The following PABIR2 variants were observed in gnomAD, a reference collection of about 807,000 sequenced individuals.
PABIR2 encodes family with sequence similarity 122B.
PABIR2 carries 7 observed loss-of-function variants against 22.8 expected under a neutral mutation model. The observed-to-expected ratio is 0.31, with a 90% CI of 0.17 to 0.58. PABIR2 has a LOEUF of 0.58. PABIR2 is among the 20% of genes least tolerant of loss of function. PABIR2 has a pLI of 0.89. For missense variants in PABIR2, 155 were observed against 205.1 expected, an observed-to-expected ratio of 0.76 and a Z score of 1.49; for synonymous variants, 67 against 73.8, an observed-to-expected ratio of 0.91 and a Z score of 0.47.
chrX:134,790,842 G>A (rs1172143925), intron 2 of PABIR2, among the ~76,000 whole-genome samples: 1 of 112,652 alleles, frequency 8.9e-6, no homozygotes, highest in Admixed American at 9.4e-5. Flanking sequence ...AAAGTGCTGG[G>A]ATTACAGGCG....
At chrX:134,780,392 A>G (rs56657580) in intron 9 of PABIR2, among the ~76,000 whole-genome samples, 1,447 of 111,703 alleles carry the variant, frequency 0.013, 22 homozygotes, top group African/African-American at 0.046. Context: ...CCTGGCCAAC[A>G]TGGCAAAACC....
intron 2 of PABIR2, chrX:134,791,620 A>AAAAGCAT: frequency 3.0e-6 from 1 of 331,035 alleles, no homozygotes; most frequent in South Asian, 2.6e-5. Flanking sequence ...CAGGAGAGTC[A>AAAAGCAT]AAAGCATATG....
intron 8 of PABIR2, among the ~76,000 whole-genome samples, chrX:134,784,666 C>T (rs1305698724): frequency 9.1e-6 from 1 of 109,992 alleles, no homozygotes; most frequent in African/African-American, 3.3e-5. Context: ...TTTGTAGAGA[C>T]GTGGTTTTGC....
intron 8 of PABIR2, among the ~76,000 whole-genome samples, chrX:134,783,739 A>G (rs2079219801): frequency 9.3e-6 from 1 of 107,289 alleles, no homozygotes; most frequent in Non-Finnish European, 1.9e-5. Flanking sequence ...AAAAAAAAAA[A>G]GTTATTGTTA....
At chrX:134,779,116 A>T (rs2079086791) in intron 9 of PABIR2, among the ~76,000 whole-genome samples, 1 of 111,564 alleles carries the variant, frequency 9.0e-6, no homozygotes, top group South Asian at 3.8e-4. Context: ...GCCCAGCCAC[A>T]ACAGCTTTTT....
chrX:134,773,538 T>C (rs1264500726), intron 9 of PABIR2, among the ~76,000 whole-genome samples: 1 of 96,025 alleles, frequency 1.0e-5, no homozygotes, highest in Non-Finnish European at 1.9e-5. Flanking sequence ...CCAGAGATGA[T>C]ATTTGCTATA....
intron 9 of PABIR2, among the ~76,000 whole-genome samples, chrX:134,777,254 C>T (rs1383259993): frequency 1.8e-5 from 2 of 112,130 alleles, no homozygotes; most frequent in African/African-American, 6.5e-5. Flanking sequence ...AGCCTGGGTG[C>T]GGTGGCTCAT....
chrX:134,788,115 T>C (rs1476119775), intron 6 of PABIR2, among the ~76,000 whole-genome samples: 2 of 104,933 alleles, frequency 1.9e-5, no homozygotes, highest in South Asian at 7.9e-4. Context: ...TATATATGTG[T>C]AATATATACA....
chrX:134,793,919 A>C (rs2079624259), intron 1 of PABIR2, 26 bp from the exon 2 acceptor site: 1 of 1,176,393 alleles, frequency 8.5e-7, no homozygotes, highest in Non-Finnish European at 1.1e-6. Context: ...ACAAACAAAC[A>C]AAAAAAACAA....
intron 9 of PABIR2, among the ~76,000 whole-genome samples, chrX:134,779,131 T>A (rs2090888771): frequency 9.0e-6 from 1 of 111,275 alleles, no homozygotes; most frequent in Non-Finnish European, 1.9e-5. Context: ...CTTTTTACGT[T>A]TAAGAATCAA....
intron 2 of PABIR2, among the ~76,000 whole-genome samples, chrX:134,790,750 T>C (rs2079522076): frequency 8.9e-6 from 1 of 112,113 alleles, no homozygotes; most frequent in Non-Finnish European, 1.9e-5. Context: ...GATAAATGTA[T>C]TTTAGTAGAG....
chrX:134,791,898 C>G (rs1358401296), intron 2 of PABIR2, among the ~76,000 whole-genome samples: 1 of 111,714 alleles, frequency 9.0e-6, no homozygotes, highest in Non-Finnish European at 1.9e-5. Context: ...AATCTCTACT[C>G]CTACTAAAGG....
intron 2 of PABIR2, 48 bp from the exon 3 acceptor site, chrX:134,789,684 C>A: frequency 9.4e-7 from 1 of 1,063,294 alleles, no homozygotes; most frequent in Non-Finnish European, 1.3e-6. Flanking sequence ...CACAAAGCAG[C>A]AGTCTGCTGT....
At position 134,771,831 on chromosome X, in the gene PABIR2, T is replaced by C; in HGVS notation, c.*308A>G. ...AATACACATCAGTGCCTTTCTTAAA[T>C]GTATAGACTCAAAATAGGTGTTTTT... On this transcript the variant is annotated 3_prime_UTR_variant, in exon 10 of 10. Transcript: ENST00000343004. 3.5e-6 allele frequency: 3 copies of C among 856,999 alleles called. No homozygotes were observed. Among genetic ancestry groups the C allele is most frequent in the Non-Finnish European group, 4.3e-6 (3 of 705,706 alleles). The allele number at this position is 856,999 out of a possible 1,213,427, so 70.6% of individuals were successfully genotyped here.
chrX:134,794,116 C>CG (rs747978922), intron 1 of PABIR2: 470 of 599,957 alleles, frequency 7.8e-4, no homozygotes, highest in Non-Finnish European at 9.1e-4. Flanking sequence ...TCTCAGTGGT[C>CG]GGGGGGCAGC....
At chrX:134,795,233 T>C (rs1287452834) in intron 1 of PABIR2, among the ~76,000 whole-genome samples, 1 of 112,075 alleles carries the variant, frequency 8.9e-6, no homozygotes, top group Non-Finnish European at 1.9e-5. Flanking sequence ...ACAGCAAGGA[T>C]TATCTCTTTC....
intron 9 of PABIR2, among the ~76,000 whole-genome samples, chrX:134,778,279 C>G (rs1316437709): frequency 8.7e-5 from 9 of 102,904 alleles, no homozygotes; most frequent in African/African-American, 3.1e-4. Context: ...CCGAGGCGGG[C>G]GGATCACCTG....
intron 9 of PABIR2, among the ~76,000 whole-genome samples, chrX:134,777,597 G>C (rs1438980934): frequency 9.1e-6 from 1 of 109,796 alleles, no homozygotes; most frequent in African/African-American, 3.3e-5. Context: ...AGCACTTTGG[G>C]AGGCCGAGGC....
chrX:134,781,729 AAT>A, intron 9 of PABIR2, 90 bp downstream of exon 9: 1 of 574,549 alleles, frequency 1.7e-6, no homozygotes, highest in Non-Finnish European at 2.4e-6. Context: ...TTCAAAAAAA[AAT>A]ATTTTAAATT....
Sources: gnomAD v4.1 joint callset for allele counts (sites outside exome capture counted in the v4.1 genomes callset) on GRCh38, gnomAD v4.1.1 for gene constraint, MANE v1.5 for transcripts, NCBI Gene and HGNC (gene_info 2026-07-23, HGNC 2026-07-21) for gene names.